The following DDC variants were observed in gnomAD, a reference collection of about 807,000 sequenced individuals.
DDC encodes aromatic-L-amino-acid decarboxylase.
In DDC, 43 loss-of-function variants were observed where a neutral mutation model predicts 60.0. That is an observed-to-expected ratio of 0.72 (90% CI 0.56 to 0.92). The LOEUF is 0.92. Ranked by LOEUF, DDC falls within the 40% of genes least tolerant of loss-of-function variation. DDC has a pLI of 0.00. For missense variants in DDC, 573 were observed against 620.2 expected, an observed-to-expected ratio of 0.92 and a Z score of 0.81; for synonymous variants, 232 against 234.6, an observed-to-expected ratio of 0.99 and a Z score of 0.10.
chr7:50,480,658 C>T (rs2042747738), intron 9 of DDC, among the ~76,000 whole-genome samples: 2 of 152,124 alleles, frequency 1.3e-5, no homozygotes, highest in Admixed American at 1.3e-4. Context: ...TTTAGGACAC[C>T]CAGCTGGTGT....
At chr7:50,529,441 T>A in intron 4 of DDC, 99 bp from the exon 5 acceptor site, 1 of 1,464,374 alleles carries the variant, frequency 6.8e-7, no homozygotes, top group Non-Finnish European at 9.5e-7. Context: ...ATAGTTTTCT[T>A]AAAATATGAG....
Position 50,491,789 on chromosome 7 carries a change from G to A in DDC, c.944+3561C>T, listed in dbSNP as rs73351262. ...TGCTCCTTTTCTCTCACAACACGTGGATTCAGTAATGTGACCATTCCCTCC... is the reference window on the plus strand; with the variant it reads ...TGCTCCTTTTCTCTCACAACACGTGAATTCAGTAATGTGACCATTCCCTCC... On this transcript the variant is annotated intron_variant, in intron 9 of 14. Coordinates refer to ENST00000444124, the MANE Select transcript of DDC (RefSeq NM_001082971.2). Among the ~76,000 whole-genome samples, 1,136 of 152,200 alleles carry A rather than the reference G, an allele frequency of 7.5e-3. 19 individuals are homozygous for A. Among genetic ancestry groups the A allele is most frequent in the African/African-American group, 0.026 (1,097 of 41,500 alleles).
chr7:50,503,984 G>A lies in DDC; in HGVS notation c.781+9C>T. 1 of 1,606,092 alleles carries A rather than the reference G, an allele frequency of 6.2e-7. No individual in the cohort carries two copies. The highest frequency in any genetic ancestry group is 1.1e-5 in the South Asian group (1 of 90,908). ...ATTTTCCAAAAAGAAAATGGAATCG[G>A]ATACTTACAGATAGGACCGACTTCT... On this transcript the variant is annotated intron_variant, in intron 7 of 14. Coordinates refer to ENST00000444124, the MANE Select transcript of DDC (RefSeq NM_001082971.2).
chr7:50,529,468 T>C (rs2044136161), intron 4 of DDC, 126 bp from the exon 5 acceptor site: 1 of 1,114,958 alleles, frequency 9.0e-7, no homozygotes, highest in Non-Finnish European at 1.3e-6. Flanking sequence ...ATGGCAAAAT[T>C]CACTCTCCTT....
chr7:50,478,740 T>C (rs2042703449), intron 10 of DDC, among the ~76,000 whole-genome samples: 1 of 152,242 alleles, frequency 6.6e-6, no homozygotes, highest in Non-Finnish European at 1.5e-5. Context: ...ATGTGCCTCA[T>C]AAGATGTAAA....
chr7:50,484,844 A>G (rs529559745), intron 9 of DDC, among the ~76,000 whole-genome samples: 11 of 152,328 alleles, frequency 7.2e-5, no homozygotes, highest in African/African-American at 2.6e-4. Context: ...TAAAAAATCT[A>G]CAACACTACA....
At chr7:50,519,574 G>T (rs1563022685) in intron 6 of DDC, among the ~76,000 whole-genome samples, 1 of 152,150 alleles carries the variant, frequency 6.6e-6, no homozygotes, top group Non-Finnish European at 1.5e-5. Flanking sequence ...AAAAAGTAAT[G>T]AATTAACAGC....
intron 6 of DDC, among the ~76,000 whole-genome samples, chr7:50,506,017 G>A (rs1395035717): frequency 6.6e-6 from 1 of 152,234 alleles, no homozygotes; most frequent in African/African-American, 2.4e-5. Flanking sequence ...CAGAGGGGTG[G>A]GGGAAAAACA....
At chr7:50,491,761 A>G (rs6959596) in intron 9 of DDC, among the ~76,000 whole-genome samples, 2,919 of 152,222 alleles carry the variant, frequency 0.019, 166 homozygotes, top group Admixed American at 0.12. Flanking sequence ...CTATTCCTCT[A>G]CCTGCTCCTT....
chr7:50,521,696 A>G (rs1156462426), intron 6 of DDC, among the ~76,000 whole-genome samples: 1 of 152,234 alleles, frequency 6.6e-6, no homozygotes, highest in Non-Finnish European at 1.5e-5. Context: ...AAAGTGTTTG[A>G]CAAAATTCAA....
At chr7:50,506,467 C>T (rs140050459) in intron 6 of DDC, among the ~76,000 whole-genome samples, 171 of 152,052 alleles carry the variant, frequency 1.1e-3, no homozygotes, top group African/African-American at 4.0e-3. Context: ...CAAACCTGCA[C>T]GTTGTGCACA....
Position 50,529,203 on chromosome 7 carries a change from C to G in DDC, c.570+5G>C. Reference sequence around the variant, plus strand: ...TCTTGGCTGATACCCCCACAACACACTCACCTGATCGGATGAGTAAGCCAC... The same window carrying G: ...TCTTGGCTGATACCCCCACAACACAGTCACCTGATCGGATGAGTAAGCCAC... On this transcript the variant is annotated splice_donor_5th_base_variant and intron_variant, in intron 5 of 14. Transcript: ENST00000444124. The G allele has an allele frequency of 6.2e-7, 1 of 1,612,960 alleles. No individual in the cohort carries two copies. The highest frequency in any genetic ancestry group is 8.5e-7 in the Non-Finnish European group (1 of 1,179,954).
chr7:50,516,965 C>T (rs570355179), intron 6 of DDC, among the ~76,000 whole-genome samples: 11 of 152,160 alleles, frequency 7.2e-5, no homozygotes, highest in South Asian at 2.1e-4. Flanking sequence ...AAGTCCAAGA[C>T]GAGACAGATT....
chr7:50,549,468 C>T (rs1013247768), intron 1 of DDC, among the ~76,000 whole-genome samples: 10 of 152,124 alleles, frequency 6.6e-5, no homozygotes, highest in African/African-American at 1.7e-4. Context: ...CTGGCTAACA[C>T]GGTGAAACCC....
At chr7:50,565,262 T>A (rs182299138) in intron 1 of DDC, 23 bp downstream of exon 1, 1 of 152,188 alleles carries the variant, frequency 6.6e-6, no homozygotes, top group African/African-American at 2.4e-5. Flanking sequence ...ACAATCTGAG[T>A]AGGTATAAAA....
intron 6 of DDC, among the ~76,000 whole-genome samples, chr7:50,517,973 G>A (rs546999094): frequency 2.0e-5 from 3 of 152,008 alleles, no homozygotes; most frequent in Non-Finnish European, 4.4e-5. Context: ...ACTTTGGGAG[G>A]CTGAGATGGG....
chr7:50,559,946 C>A (rs2045302402), intron 1 of DDC, among the ~76,000 whole-genome samples: 1 of 152,236 alleles, frequency 6.6e-6, no homozygotes, highest in Non-Finnish European at 1.5e-5. Flanking sequence ...TTTCTTCACA[C>A]TGGCTGTGTG....
intron 2 of DDC, chr7:50,543,485 A>G (rs1475232388): frequency 9.2e-6 from 3 of 326,432 alleles, no homozygotes; most frequent in Non-Finnish European, 1.8e-5. Context: ...ACCTATTGCT[A>G]AACCCAAGGA....
chr7:50,562,196 A>G (rs2045356150), intron 1 of DDC, among the ~76,000 whole-genome samples: 3 of 152,222 alleles, frequency 2.0e-5, no homozygotes, highest in African/African-American at 4.8e-5. Context: ...AGAACATGCC[A>G]TGAGTGCAGG....
Sources: gnomAD v4.1 joint callset for allele counts (sites outside exome capture counted in the v4.1 genomes callset) on GRCh38, gnomAD v4.1.1 for gene constraint, MANE v1.5 for transcripts, NCBI Gene and HGNC (gene_info 2026-07-23, HGNC 2026-07-21) for gene names.